Variants in CDKL3 observed in about 807,000 individuals in gnomAD.
CDKL3 encodes the protein cyclin dependent kinase like 3.
Under a neutral mutation model 69.3 loss-of-function variants are expected in CDKL3, and 65 were observed. That is an observed-to-expected ratio of 0.94 (90% CI 0.77 to 1.15). The LOEUF is 1.15. CDKL3 is among the 50% of genes most tolerant of loss of function. The pLI is 0.00. For missense variants in CDKL3, 652 were observed against 689.2 expected (o/e 0.95, Z 0.61); for synonymous variants, 202 against 221.6 (o/e 0.91, Z 0.79).
At chr5:134,284,330 A>G (rs1322724008), downstream of CDKL3, among the ~76,000 whole-genome samples, 1 of 152,226 alleles carries the variant, frequency 6.6e-6, no homozygotes, top group Non-Finnish European at 1.5e-5. Flanking sequence ...CTGCAAAACC[A>G]GCAAGCTTTT....
At chr5:134,368,835 C>A (rs1758015341), upstream of CDKL3, among the ~76,000 whole-genome samples, 1 of 151,810 alleles carries the variant, frequency 6.6e-6, no homozygotes, top group African/African-American at 2.4e-5. Flanking sequence ...CCCAGGAGTT[C>A]CAGACCAGCC....
At chr5:134,293,553 T>G (rs537586760), downstream of CDKL3, among the ~76,000 whole-genome samples, 86 of 152,264 alleles carry the variant, frequency 5.6e-4, no homozygotes, top group African/African-American at 1.9e-3. Flanking sequence ...TTCAGTGCTT[T>G]GGAAGGCCGA....
chr5:134,325,197 T>G (rs1369648082), intron 4 of CDKL3, among the ~76,000 whole-genome samples: 2 of 151,790 alleles, frequency 1.3e-5, no homozygotes, highest in African/African-American at 4.8e-5. Flanking sequence ...TAAAGAAGAG[T>G]GGGGAGGGAA....
At chr5:134,294,687 AAGGG>A (rs1201284158), downstream of CDKL3, among the ~76,000 whole-genome samples, 1 of 151,884 alleles carries the variant, frequency 6.6e-6, no homozygotes, top group African/African-American at 2.4e-5. Flanking sequence ...GGAAGGAAGG[AAGGG>A]AGGGAGTCAG....
At chr5:134,350,121 G>A in intron 4 of CDKL3, 128 bp downstream of exon 4, 2 of 614,418 alleles carry the variant, frequency 3.3e-6, no homozygotes, top group Non-Finnish European at 5.4e-6. Flanking sequence ...CTGGGAGGTG[G>A]AGGTTGCAGT....
chr5:134,295,603 T>C (rs1181552371), downstream of CDKL3, among the ~76,000 whole-genome samples: 1 of 152,244 alleles, frequency 6.6e-6, no homozygotes, highest in Admixed American at 6.5e-5. Flanking sequence ...ATATTATGTA[T>C]AATGTCCTCA....
At chr5:134,324,969 T>C (rs1773763018) in intron 4 of CDKL3, among the ~76,000 whole-genome samples, 1 of 152,178 alleles carries the variant, frequency 6.6e-6, no homozygotes, top group Non-Finnish European at 1.5e-5. Context: ...TTCTGTTCAA[T>C]TCTTCTGGAG....
chr5:134,357,221 G>A (rs1011822172), intron 3 of CDKL3, among the ~76,000 whole-genome samples: 2 of 151,934 alleles, frequency 1.3e-5, no homozygotes, highest in Non-Finnish European at 2.9e-5. Context: ...TAAGGTGGGC[G>A]GATCACGAGG....
chr5:134,349,644 T>C (rs186582229), intron 4 of CDKL3, among the ~76,000 whole-genome samples: 10 of 152,190 alleles, frequency 6.6e-5, no homozygotes, highest in Non-Finnish European at 4.4e-5. Context: ...GCCGAGGGCA[T>C]GGCACAGCTT....
chr5:134,343,906 C>T (rs1040684339), intron 4 of CDKL3, among the ~76,000 whole-genome samples: 2 of 152,174 alleles, frequency 1.3e-5, no homozygotes, highest in Non-Finnish European at 2.9e-5. Flanking sequence ...GCCGGCTCTG[C>T]GTGAGTTATT....
At chr5:134,312,621 GGTCA>G (rs577914221) in intron 6 of CDKL3, among the ~76,000 whole-genome samples, 26 of 152,282 alleles carry the variant, frequency 1.7e-4, no homozygotes, top group African/African-American at 3.8e-4. Context: ...CCAAAACAGA[GGTCA>G]GTCTGTTTCT....
At chr5:134,300,585 A>G (rs1236497532) in intron 12 of CDKL3, among the ~76,000 whole-genome samples, 2 of 152,288 alleles carry the variant, frequency 1.3e-5, no homozygotes, top group African/African-American at 2.4e-5. Context: ...CTTTTATGCA[A>G]TTTCAGTCAC....
chr5:134,297,890 T>G (rs527866891), downstream of CDKL3, among the ~76,000 whole-genome samples: 56 of 105,196 alleles, frequency 5.3e-4, no homozygotes, highest in South Asian at 0.016. Flanking sequence ...CATGAATAGT[T>G]TGTGTGTGTG....
intron 4 of CDKL3, among the ~76,000 whole-genome samples, chr5:134,346,442 T>C (rs998634743): frequency 2.0e-5 from 3 of 152,210 alleles, no homozygotes; most frequent in Non-Finnish European, 2.9e-5. Context: ...TGCTAACCTA[T>C]CTTTTGTTAT....
chr5:134,368,569 A>C (rs1757954237), upstream of CDKL3, among the ~76,000 whole-genome samples: 2 of 139,296 alleles, frequency 1.4e-5, no homozygotes, highest in South Asian at 4.7e-4. Context: ...CAGTGAGCGG[A>C]GATCGCACCA....
intron 10 of CDKL3, among the ~76,000 whole-genome samples, chr5:134,306,273 T>A (rs1024462896): frequency 6.6e-5 from 10 of 152,106 alleles, no homozygotes; most frequent in Non-Finnish European, 1.2e-4. Flanking sequence ...GGCGGAAGGA[T>A]CCCTTGAGCT....
chr5:134,326,736 G>T (rs549318102), intron 4 of CDKL3, among the ~76,000 whole-genome samples: 1 of 149,312 alleles, frequency 6.7e-6, no homozygotes, highest in African/African-American at 2.5e-5. Flanking sequence ...CGCCTCCCAG[G>T]TTCAAGCGAT....
chr5:134,346,952 A>G (rs147910485), intron 4 of CDKL3, among the ~76,000 whole-genome samples: 5 of 152,300 alleles, frequency 3.3e-5, no homozygotes, highest in Non-Finnish European at 7.4e-5. Context: ...AAATTGATAA[A>G]CAAATCAAGC....
At chr5:134,364,442 A>G (rs926898684) in intron 2 of CDKL3, among the ~76,000 whole-genome samples, 1 of 152,106 alleles carries the variant, frequency 6.6e-6, no homozygotes, top group Non-Finnish European at 1.5e-5. Flanking sequence ...ATTTCTATCA[A>G]TTGTATCAAT....
Sources: gnomAD v4.1 joint callset for allele counts (sites outside exome capture counted in the v4.1 genomes callset) on GRCh38, gnomAD v4.1.1 for gene constraint, MANE v1.5 for transcripts, NCBI Gene and HGNC (gene_info 2026-07-23, HGNC 2026-07-21) for gene names.